AKAP13: variants seen among roughly 807,000 people sequenced by gnomAD.
AKAP13 encodes A-kinase anchor protein 13.
AKAP13 carries 80 observed loss-of-function variants against 264.5 expected under a neutral mutation model. That is an observed-to-expected ratio of 0.30 (90% CI 0.25 to 0.36). The LOEUF (loss-of-function observed/expected upper bound fraction) is 0.36. Among genes scored for constraint, AKAP13 ranks in the 10% least tolerant of loss-of-function variants. AKAP13 has a pLI of 1.00. For synonymous variants in AKAP13, 1,380 were observed against 1,250.2 expected (o/e 1.10, Z -2.19); for missense variants, 3,712 against 3,435.2 (o/e 1.08, Z -2.01).
intron 10 of AKAP13, among the ~76,000 whole-genome samples, chr15:85,654,726 A>G (rs1022978450): frequency 1.3e-5 from 2 of 152,140 alleles, no homozygotes; most frequent in African/African-American, 4.8e-5. Context: ...CGGGAGGCTG[A>G]GGTGGGAGGA....
At chr15:85,644,610 G>A (rs1016616087) in intron 9 of AKAP13, among the ~76,000 whole-genome samples, 2 of 148,448 alleles carry the variant, frequency 1.3e-5, no homozygotes, top group African/African-American at 5.0e-5. Context: ...AGCACTTTGG[G>A]AGGCTGAGGC....
At chr15:85,586,038 A>G (rs1374871004) in intron 8 of AKAP13, among the ~76,000 whole-genome samples, 1 of 152,210 alleles carries the variant, frequency 6.6e-6, no homozygotes, top group Non-Finnish European at 1.5e-5. Context: ...ATGGGCTGTT[A>G]CATGTTTTCT....
chr15:85,633,578 T>C (rs1319186449), intron 8 of AKAP13, among the ~76,000 whole-genome samples: 1 of 147,794 alleles, frequency 6.8e-6, no homozygotes, highest in Non-Finnish European at 1.5e-5. Flanking sequence ...GAGTCTCTCT[T>C]TGTCACCCAG....
intron 32 of AKAP13, 71 bp from the exon 33 acceptor site, chr15:85,736,019 C>T: frequency 8.0e-7 from 1 of 1,247,200 alleles, no homozygotes; most frequent in South Asian, 1.2e-5. Context: ...CAGCCTAACA[C>T]AGAAACACAC....
chr15:85,564,854 G>C (rs772020077), intron 5 of AKAP13, among the ~76,000 whole-genome samples: 1 of 152,114 alleles, frequency 6.6e-6, no homozygotes, highest in Non-Finnish European at 1.5e-5. Flanking sequence ...GAGATCAGCA[G>C]GTCAGGAGAT....
chr15:85,597,714 C>T (rs1339740268), intron 8 of AKAP13, among the ~76,000 whole-genome samples: 1 of 152,180 alleles, frequency 6.6e-6, no homozygotes, highest in African/African-American at 2.4e-5. Context: ...TCTGGGTAGA[C>T]TGAGGATTCC....
chr15:85,582,693 T>C (rs1443203910), intron 7 of AKAP13, among the ~76,000 whole-genome samples: 1 of 151,904 alleles, frequency 6.6e-6, no homozygotes, highest in African/African-American at 2.4e-5. Flanking sequence ...GCTAGGGGTG[T>C]TGTTGACGGG....
At chr15:85,400,711 GT>G (rs1461028590) in intron 1 of AKAP13, among the ~76,000 whole-genome samples, 2 of 152,028 alleles carry the variant, frequency 1.3e-5, no homozygotes, top group Non-Finnish European at 2.9e-5. Flanking sequence ...AGGTAGCTGT[GT>G]AAGGTGATCT....
rs1382298524 is a variant in AKAP13 at position 85,724,032 on chromosome 15, T to C, written c.6745+712T>C. 6.6e-6 allele frequency among the ~76,000 whole-genome samples: 1 copy of C among 152,200 alleles called. No individual in the cohort carries two copies. The highest frequency in any genetic ancestry group is 2.4e-5 in the African/African-American group (1 of 41,444). On this transcript the variant is annotated intron_variant, in intron 26 of 36. Transcript: ENST00000394518. The surrounding 1 kb of genome is among the most constrained non-coding windows in gnomAD (Gnocchi z 4.2). ...CAAACCTATACTCCATGGGCCTATA[T>C]GTTACACCAATAGCCTTGAATTATA... is the stretch of plus-strand genomic sequence containing the variant.
chr15:85,459,922 A>G (rs916620420), intron 1 of AKAP13, among the ~76,000 whole-genome samples: 5 of 152,082 alleles, frequency 3.3e-5, no homozygotes, highest in African/African-American at 9.7e-5. Flanking sequence ...CTACCTTTCA[A>G]ATATTTCTCA....
At chr15:85,690,928 A>T (rs1385295184) in intron 16 of AKAP13, among the ~76,000 whole-genome samples, 4 of 152,238 alleles carry the variant, frequency 2.6e-5, no homozygotes, top group Non-Finnish European at 5.9e-5. Context: ...ACCTAGTATT[A>T]TCATTGGGTT....
intron 3 of AKAP13, among the ~76,000 whole-genome samples, chr15:85,529,988 A>G (rs1346860918): frequency 1.3e-5 from 2 of 152,156 alleles, no homozygotes; most frequent in East Asian, 3.8e-4. Context: ...ACAATTGGAC[A>G]GTTTCTCAGG....
chr15:85,578,889 CT>C (rs780925859), intron 6 of AKAP13, 40 bp from the exon 7 acceptor site: 22 of 1,581,074 alleles, frequency 1.4e-5, no homozygotes, highest in Middle Eastern at 3.4e-4. Context: ...ACATCTTCTC[CT>C]ACAGGCAGTT....
At chr15:85,404,881 C>G (rs904609346) in intron 1 of AKAP13, among the ~76,000 whole-genome samples, 4 of 152,148 alleles carry the variant, frequency 2.6e-5, no homozygotes, top group African/African-American at 7.2e-5. Flanking sequence ...GTTATTTTGC[C>G]TTCGTTGCTT....
At chr15:85,393,447 C>T (rs1186380680) in intron 1 of AKAP13, among the ~76,000 whole-genome samples, 1 of 152,180 alleles carries the variant, frequency 6.6e-6, no homozygotes, top group Non-Finnish European at 1.5e-5. Context: ...ATAGCCAAAG[C>T]TTTTGCTTGG....
chr15:85,381,122 C>CA (rs2070218046), intron 1 of AKAP13, among the ~76,000 whole-genome samples: 1 of 152,118 alleles, frequency 6.6e-6, no homozygotes, highest in Admixed American at 6.5e-5. Flanking sequence ...GATGCTACCT[C>CA]AGGCGCTCCG....
chr15:85,466,015 T>C (rs1297193794), intron 1 of AKAP13, among the ~76,000 whole-genome samples: 4 of 152,102 alleles, frequency 2.6e-5, no homozygotes, highest in Admixed American at 1.3e-4. Flanking sequence ...CCAGCACCTG[T>C]TGTTTCCTGA....
At chr15:85,400,875 T>TA (rs1491383143) in intron 1 of AKAP13, among the ~76,000 whole-genome samples, 211 of 13,988 alleles carry the variant, frequency 0.015, no homozygotes, top group Middle Eastern at 0.12. Context: ...TATATATATA[T>TA]TTTTTTTTTT....
intron 12 of AKAP13, among the ~76,000 whole-genome samples, chr15:85,659,473 A>G (rs960756826): frequency 3.3e-5 from 5 of 151,832 alleles, no homozygotes; most frequent in African/African-American, 1.2e-4. Context: ...TTTAGGCAAG[A>G]AATTGAGCTG....
Sources: gnomAD v4.1 joint callset for allele counts (sites outside exome capture counted in the v4.1 genomes callset) on GRCh38, gnomAD v4.1.1 for gene constraint, Gnocchi (gnomAD v3.1) non-coding constraint, MANE v1.5 for transcripts, NCBI Gene and HGNC (gene_info 2026-07-23, HGNC 2026-07-21) for gene names.